Variants in ETV1 observed in about 807,000 individuals in gnomAD.
ETV1 encodes ETS variant transcription factor 1, also known as ETS translocation variant 1.
A neutral mutation model predicts 62.3 loss-of-function variants in ETV1; 27 were observed. The observed-to-expected ratio is 0.43, with a 90% CI of 0.32 to 0.60. The LOEUF is 0.60. Ranked by LOEUF, ETV1 falls within the 20% of genes least tolerant of loss-of-function variation. ETV1 has a pLI of 0.06. For synonymous variants in ETV1, 222 were observed against 199.6 expected (o/e 1.11, Z -0.94); for missense variants, 605 against 605.8 (o/e 1.00, Z 0.01).
At chr7:13,907,783 T>C (rs1783125287) in intron 11 of ETV1, 1 of 467,368 alleles carries the variant, frequency 2.1e-6, no homozygotes, top group South Asian at 1.6e-5. Context: ...GCACACTTTC[T>C]AAAACTTACC....
At chr7:13,983,124 G>T (rs1782169814) in intron 5 of ETV1, among the ~76,000 whole-genome samples, 1 of 151,936 alleles carries the variant, frequency 6.6e-6, no homozygotes, top group South Asian at 2.1e-4. Flanking sequence ...TGTGGAGGCA[G>T]CACTAAACTT....
At chr7:13,897,104 A>G (rs1781925228) in intron 13 of ETV1, among the ~76,000 whole-genome samples, 1 of 148,652 alleles carries the variant, frequency 6.7e-6, no homozygotes. Context: ...TGAGATGAAT[A>G]CGCCTCTTGT....
intron 9 of ETV1, among the ~76,000 whole-genome samples, chr7:13,916,154 A>T (rs141962646): frequency 6.6e-6 from 1 of 152,336 alleles, no homozygotes; most frequent in East Asian, 1.9e-4. Flanking sequence ...TCACACTTAG[A>T]TGGGATCTTT....
intron 6 of ETV1, among the ~76,000 whole-genome samples, chr7:13,976,928 T>C (rs1012128991): frequency 2.0e-5 from 3 of 152,130 alleles, no homozygotes; most frequent in African/African-American, 7.2e-5. Context: ...GGCTAAAAAT[T>C]AAATAAAAGC....
rs897645577 is a variant in ETV1, at chr7:13,891,559, A to G, written c.*4307T>C. 4 of 231,288 alleles carry G rather than the reference A, an allele frequency of 1.7e-5. No individual in the cohort carries two copies. Among genetic ancestry groups the G allele is most frequent in the Admixed American group, 5.6e-5 (1 of 17,712 alleles). 14.3% of individuals were successfully genotyped at this position (231,288 alleles called of 1,614,324 possible). A position where few individuals can be genotyped will look rare whatever the true frequency, so the allele number is the denominator to read the frequency against. On this transcript the variant is annotated 3_prime_UTR_variant, in exon 14 of 14. Coordinates refer to ENST00000430479, the MANE Select transcript of ETV1 (RefSeq NM_004956.5). ...TAATCAAATTCTCCTCTTAAACTGT[A>G]CTTTCCATAAACTGTTTTTTTTTTA...
At chr7:13,980,649 T>C (rs1187708116) in intron 5 of ETV1, among the ~76,000 whole-genome samples, 1 of 152,126 alleles carries the variant, frequency 6.6e-6, no homozygotes, top group East Asian at 1.9e-4. Context: ...TTATTGGTAA[T>C]AGCTGGAGCG....
At chr7:13,976,414 G>A (rs568813616) in intron 6 of ETV1, among the ~76,000 whole-genome samples, 1 of 152,270 alleles carries the variant, frequency 6.6e-6, no homozygotes, top group African/African-American at 2.4e-5. Context: ...ACCAAGCTGA[G>A]TTGAAACATG....
intron 9 of ETV1, among the ~76,000 whole-genome samples, chr7:13,925,621 G>A (rs568015955): frequency 4.0e-5 from 6 of 150,472 alleles, no homozygotes; most frequent in African/African-American, 7.3e-5. Context: ...GCTGGAGTGC[G>A]GTGGCGCGAT....
chr7:13,965,624 T>G (rs1195084111), intron 6 of ETV1, among the ~76,000 whole-genome samples: 1 of 152,172 alleles, frequency 6.6e-6, no homozygotes. Context: ...GCCCTGGGTT[T>G]CTCTTCATGT....
chr7:13,927,332 G>A (rs1184254358), intron 9 of ETV1, among the ~76,000 whole-genome samples: 3 of 152,008 alleles, frequency 2.0e-5, no homozygotes, highest in Non-Finnish European at 2.9e-5. Flanking sequence ...CACGCCTGTA[G>A]TCCCAACTAC....
chr7:13,930,699 A>G (rs1011067204), intron 9 of ETV1, among the ~76,000 whole-genome samples: 7 of 152,190 alleles, frequency 4.6e-5, no homozygotes, highest in African/African-American at 1.7e-4. Flanking sequence ...TCTAGCTCAC[A>G]GAGACAAAGC....
intron 5 of ETV1, among the ~76,000 whole-genome samples, chr7:13,985,802 A>G (rs1376475814): frequency 6.6e-6 from 1 of 152,192 alleles, no homozygotes; most frequent in East Asian, 1.9e-4. Context: ...ATGCCAACAG[A>G]AGTCCCTCAA....
At chr7:13,921,662 A>G (rs1483730182) in intron 9 of ETV1, among the ~76,000 whole-genome samples, 1 of 152,196 alleles carries the variant, frequency 6.6e-6, no homozygotes, top group Non-Finnish European at 1.5e-5. Context: ...TTATTATGGC[A>G]TTATGACAAA....
chr7:13,969,357 T>A (rs891243500), intron 6 of ETV1, among the ~76,000 whole-genome samples: 1 of 152,218 alleles, frequency 6.6e-6, no homozygotes, highest in Non-Finnish European at 1.5e-5. Flanking sequence ...GATTCCCTAG[T>A]ATATTTTAAA....
In ETV1 at chr7:13,894,157, T is replaced by A. The variant is rs1207025101; in HGVS notation, c.*1709A>T. 1 of 226,464 alleles carries A rather than the reference T, an allele frequency of 4.4e-6. No homozygotes were observed. The highest frequency in any genetic ancestry group is 8.8e-6 in the Non-Finnish European group (1 of 114,014). The allele number at this position is 226,464 out of a possible 1,614,324, so 14.0% of individuals were successfully genotyped here. On this transcript the variant is annotated 3_prime_UTR_variant, in exon 14 of 14. Coordinates refer to ENST00000430479, the MANE Select transcript of ETV1 (RefSeq NM_004956.5). ...TTATTTTGACTTTGTGTTTAGAATT[T>A]TTTTTTTTTTTTGCTTTTTGCTATA...
intron 9 of ETV1, among the ~76,000 whole-genome samples, chr7:13,915,623 T>A (rs777152793): frequency 7.2e-5 from 11 of 152,342 alleles, no homozygotes; most frequent in Middle Eastern, 3.4e-3. Flanking sequence ...TATGCAGATG[T>A]GTTTAAATGC....
At chr7:13,908,633 A>T (rs1459046219) in intron 11 of ETV1, among the ~76,000 whole-genome samples, 1 of 152,146 alleles carries the variant, frequency 6.6e-6, no homozygotes, top group African/African-American at 2.4e-5. Flanking sequence ...AAAGGAGGAT[A>T]AAGAAGCAGA....
At chr7:13,970,345 G>T (rs951611520) in intron 6 of ETV1, among the ~76,000 whole-genome samples, 6 of 139,758 alleles carry the variant, frequency 4.3e-5, no homozygotes, top group African/African-American at 1.6e-4. Context: ...ACTACAAAAA[G>T]CATACCCAAA....
intron 6 of ETV1, among the ~76,000 whole-genome samples, chr7:13,959,401 T>C (rs1470784160): frequency 6.6e-6 from 1 of 152,188 alleles, no homozygotes. Flanking sequence ...ATGCTTCCCC[T>C]TCTTCCATAC....
Sources: gnomAD v4.1 joint callset for allele counts (sites outside exome capture counted in the v4.1 genomes callset) on GRCh38, gnomAD v4.1.1 for gene constraint, MANE v1.5 for transcripts, NCBI Gene and HGNC (gene_info 2026-07-23, HGNC 2026-07-21) for gene names.